The following SEC13 variants were observed in gnomAD, a reference collection of about 807,000 sequenced individuals.
The protein encoded by SEC13 is protein SEC13 homolog.
Under a neutral mutation model 49.2 loss-of-function variants are expected in SEC13, and 25 were observed. The observed-to-expected ratio is 0.51, with a 90% confidence interval of 0.37 to 0.71. SEC13 has a LOEUF of 0.71. Among genes scored for constraint, SEC13 ranks in the 30% least tolerant of loss-of-function variants. SEC13 has a pLI of 0.00. For synonymous variants in SEC13, 148 were observed against 163.9 expected, an observed-to-expected ratio of 0.90 and a Z score of 0.74; for missense variants, 383 against 417.6, an observed-to-expected ratio of 0.92 and a Z score of 0.72.
intron 7 of SEC13, 129 bp from the exon 8 acceptor site, chr3:10,304,301 G>A (rs984827501): frequency 4.6e-6 from 4 of 861,080 alleles, no homozygotes; most frequent in African/African-American, 3.3e-5. Context: ...AAGGGGAGCC[G>A]AGGACCTCTG....
chr3:10,315,084 C>T, intron 3 of SEC13: 2 of 445,084 alleles, frequency 4.5e-6, no homozygotes, highest in South Asian at 5.6e-5. Context: ...CTGGTGGGTA[C>T]ACATAAAGTG....
intron 7 of SEC13, 38 bp downstream of exon 7, chr3:10,304,995 G>C: frequency 6.2e-7 from 1 of 1,613,450 alleles, no homozygotes; most frequent in Non-Finnish European, 8.5e-7. Flanking sequence ...CCTGACTCGA[G>C]ACTAAATGAC....
chr3:10,301,873 A>G (rs1295259407), intron 8 of SEC13, among the ~76,000 whole-genome samples: 2 of 152,218 alleles, frequency 1.3e-5, no homozygotes, highest in African/African-American at 4.8e-5. Context: ...TCTACACTGA[A>G]GTAAACTGTA....
chr3:10,319,969 G>T (rs1400946549), intron 1 of SEC13, among the ~76,000 whole-genome samples: 2 of 97,874 alleles, frequency 2.0e-5, no homozygotes, highest in East Asian at 6.9e-4. Context: ...GGAGAGGAAG[G>T]GGGGAGGGAG....
intron 8 of SEC13, 30 bp from the exon 9 acceptor site, chr3:10,301,404 C>G: frequency 6.2e-7 from 1 of 1,613,808 alleles, no homozygotes; most frequent in East Asian, 2.2e-5. Flanking sequence ...CAGATTATCA[C>G]GGGTCTGTGC....
intron 1 of SEC13, among the ~76,000 whole-genome samples, chr3:10,318,465 G>A (rs888449997): frequency 5.3e-5 from 8 of 151,712 alleles, no homozygotes; most frequent in African/African-American, 1.7e-4. Context: ...CCAAGCAGAG[G>A]GAATACACGA....
intron 3 of SEC13, 61 bp from the exon 4 acceptor site, chr3:10,312,791 A>C (rs1014435016): frequency 1.9e-6 from 3 of 1,550,090 alleles, no homozygotes; most frequent in Non-Finnish European, 2.7e-6. Flanking sequence ...TACTTTGGAC[A>C]GAACTAAATG....
chr3:10,303,803 C>A, intron 8 of SEC13: 1 of 571,098 alleles, frequency 1.8e-6, no homozygotes, highest in East Asian at 3.1e-5. Context: ...CAAGTCAAAT[C>A]GCCTCTGTCA....
chr3:10,304,149 GGTCCAAATGAACACAC>G lies in SEC13; in HGVS notation c.716_731del (p.Arg239ProfsTer25), dbSNP rs779605075. On this transcript the variant is annotated frameshift_variant, in exon 8 of 9. Transcript: ENST00000350697. LOFTEE classifies it high-confidence loss of function. ...ACGTATTGCTTGAGGCATCATCACA[GGTCCAAATGAACACAC>G]GACCATCCTAGGAAGAAACAGGATA... 5 of 1,614,128 alleles carry G rather than the reference GGTCCAAATGAACACAC, an allele frequency of 3.1e-6. No individual in the cohort carries two copies. Among genetic ancestry groups the G allele is most frequent in the Non-Finnish European group, 4.2e-6 (5 of 1,179,994 alleles).
chr3:10,316,727 A>C (rs942486636), intron 2 of SEC13, among the ~76,000 whole-genome samples: 9 of 152,188 alleles, frequency 5.9e-5, no homozygotes, highest in Non-Finnish European at 1.2e-4. Context: ...CAAGATATTG[A>C]ATGAAAACTC....
At chr3:10,314,942 GACTT>G (rs1559499657) in intron 3 of SEC13, 1 of 174,848 alleles carries the variant, frequency 5.7e-6, no homozygotes, top group Non-Finnish European at 1.2e-5. Flanking sequence ...CTGCACTAAA[GACTT>G]ACTGTGTCCT....
intron 5 of SEC13, among the ~76,000 whole-genome samples, chr3:10,308,426 C>T (rs971113378): frequency 3.3e-5 from 5 of 151,986 alleles, no homozygotes; most frequent in East Asian, 1.9e-4. Flanking sequence ...TTTTATTGCT[C>T]GCAGTATTTC....
chr3:10,312,588 C>T lies in SEC13; in HGVS notation c.307G>A (p.Asp103Asn), dbSNP rs1047781015. 4 of 1,614,018 alleles carry T rather than the reference C, an allele frequency of 2.5e-6. No homozygotes were observed. Among genetic ancestry groups the T allele is most frequent in the Non-Finnish European group, 3.4e-6 (4 of 1,179,998 alleles). The change falls in exon 4 of 9, where the codon GAC becomes AAC. Residue 103 changes from aspartate (D) to asparagine (N), a missense_variant. By Grantham distance (23) the Asp-to-Asn change is conservative (BLOSUM62 1). Transcript: ENST00000350697. ...WEKSHEHAGHDSSVNSVCWAP... is the reference protein window; with the variant it reads ...WEKSHEHAGHNSSVNSVCWAP... ...GCCAAGCTCAGCATACCTGAGGAGT[C>T]GTGTCCCGCATGCTCGTGGCTCTTC...
chr3:10,304,727 A>C (rs111242935), intron 7 of SEC13, among the ~76,000 whole-genome samples: 11 of 152,232 alleles, frequency 7.2e-5, no homozygotes, highest in African/African-American at 2.6e-4. Flanking sequence ...GCTTGGGAAC[A>C]CTTGGAACTG....
rs542135900 is a variant in SEC13 at position 10,314,884 on chromosome 3, T to A, written c.164+437A>T. On this transcript the variant is annotated intron_variant, in intron 3 of 8. Transcript: ENST00000350697. ...ACACTTTAGGTCATACTGGCTAAACTTGAACGAAATGGTACTGTTTACCAC... is the reference window on the plus strand; with the variant it reads ...ACACTTTAGGTCATACTGGCTAAACATGAACGAAATGGTACTGTTTACCAC... 1.2e-4 allele frequency: 19 copies of A among 157,058 alleles called. No homozygotes were observed. The South Asian group carries it at 3.7e-3, about 30-fold the overall frequency. 9.7% of individuals were successfully genotyped at this position (157,058 alleles called of 1,614,324 possible).
Position 10,316,926 on chromosome 3 carries a change from G to A in SEC13, c.48+1124C>T, listed in dbSNP as rs955521452. 1.8e-3 allele frequency among the ~76,000 whole-genome samples: 271 copies of A among 151,530 alleles called. 3 individuals are homozygous for A. Among genetic ancestry groups the A allele is most frequent in the East Asian group, 7.8e-4 (4 of 5,150 alleles). ...TGGGGCAGGAGAATTACTTGAACCC[G>A]GGAGGCGTAGGTTGCGGTGAGCTGA... On this transcript the variant is annotated intron_variant, in intron 2 of 8. Coordinates refer to ENST00000350697, the MANE Select transcript of SEC13 (RefSeq NM_183352.3).
intron 2 of SEC13, 74 bp from the exon 3 acceptor site, chr3:10,315,510 C>G: frequency 1.3e-6 from 1 of 768,088 alleles, no homozygotes; most frequent in South Asian, 1.7e-5. Context: ...TGTCACTACA[C>G]AGAGTCTAGT....
intron 5 of SEC13, among the ~76,000 whole-genome samples, chr3:10,309,504 C>T (rs76057995): frequency 8.5e-5 from 13 of 152,248 alleles, no homozygotes; most frequent in Admixed American, 7.2e-4. Flanking sequence ...ACTTGCATTT[C>T]GTCTTAGTCT....
chr3:10,305,265 C>G, intron 6 of SEC13, 109 bp from the exon 7 acceptor site: 2 of 1,437,004 alleles, frequency 1.4e-6, no homozygotes. Context: ...CATCTTTCTT[C>G]TTTCATTCAT....
Sources: allele counts gnomAD v4.1 joint callset (sites outside exome capture counted in the v4.1 genomes callset), GRCh38; gene constraint gnomAD v4.1.1; transcripts MANE v1.5; gene names NCBI Gene and HGNC (gene_info 2026-07-23, HGNC 2026-07-21).